Variants in TCERG1 observed in about 807,000 individuals in gnomAD.
The protein encoded by TCERG1 is TATA box binding protein (TBP)-associated factor, RNA polymerase II, S, 150kD.
TCERG1 carries 37 observed loss-of-function variants against 144.7 expected under a neutral mutation model. The observed-to-expected ratio is 0.26, with a 90% CI of 0.20 to 0.34. TCERG1 has a LOEUF of 0.34. Ranked by LOEUF, TCERG1 falls within the 10% of genes least tolerant of loss-of-function variation. The pLI, the probability that TCERG1 is intolerant of heterozygous loss-of-function variation, is 1.00. For missense variants in TCERG1, 1,027 were observed against 1,380.7 expected, an observed-to-expected ratio of 0.74 and a Z score of 4.06; for synonymous variants, 492 against 458.2, an observed-to-expected ratio of 1.07 and a Z score of -0.94.
At chr5:146,506,991 T>A in intron 19 of TCERG1, 37 bp from the exon 20 acceptor site, 2 of 1,495,372 alleles carry the variant, frequency 1.3e-6, no homozygotes, top group Non-Finnish European at 1.8e-6. Context: ...TTCAGATAAG[T>A]CTCTTTGGTG....
intron 10 of TCERG1, 22 bp from the exon 11 acceptor site, chr5:146,479,833 A>G (rs1199069352): frequency 1.2e-6 from 2 of 1,612,974 alleles, no homozygotes; most frequent in African/African-American, 2.7e-5. Flanking sequence ...CTTTGTAACA[A>G]TATTTGAAAT....
At position 146,507,779 on chromosome 5, in the gene TCERG1, G is replaced by A; in HGVS notation, c.2962-94G>A. On this transcript the variant is annotated intron_variant, in intron 20 of 22. Transcript: ENST00000679501. This position sits in a 1 kb window ranked among gnomAD's most constrained non-coding sequence, Gnocchi z 4.6. ...GCTTGGGCATTACAAGAGATCGCAG[G>A]TCAGTGTGTAATATTATGTACCTAT... The A allele has an allele frequency of 2.7e-6, 2 of 740,654 alleles. No individual in the cohort carries two copies. Among genetic ancestry groups the A allele is most frequent in the Non-Finnish European group, 4.3e-6 (2 of 462,244 alleles). 45.9% of individuals were successfully genotyped at this position (740,654 alleles called of 1,614,324 possible).
At chr5:146,498,427 C>T (rs1767133565) in intron 16 of TCERG1, 109 bp from the exon 17 acceptor site, 1 of 1,159,746 alleles carries the variant, frequency 8.6e-7, no homozygotes, top group African/African-American at 1.6e-5. Flanking sequence ...ATGTTGAGTC[C>T]CAGTGTCTCT....
intron 10 of TCERG1, among the ~76,000 whole-genome samples, chr5:146,479,099 C>G (rs1357849300): frequency 6.6e-6 from 1 of 152,034 alleles, no homozygotes; most frequent in Non-Finnish European, 1.5e-5. Context: ...GACTAGACAC[C>G]TAAACCTTAC....
intron 18 of TCERG1, 45 bp from the exon 19 acceptor site, chr5:146,503,779 T>C: frequency 6.5e-7 from 1 of 1,534,358 alleles, no homozygotes; most frequent in Non-Finnish European, 8.7e-7. Context: ...AAAACATATT[T>C]TGATGGAGTT....
chr5:146,496,991 C>T (rs1325315832), intron 16 of TCERG1, among the ~76,000 whole-genome samples: 1 of 150,400 alleles, frequency 6.6e-6, no homozygotes, highest in African/African-American at 2.5e-5. Flanking sequence ...CCTCAGCCTC[C>T]TGAGTAGCTG....
chr5:146,482,527 G>T, intron 13 of TCERG1, 65 bp from the exon 14 acceptor site: 1 of 1,467,608 alleles, frequency 6.8e-7, no homozygotes, highest in South Asian at 1.4e-5. Context: ...TTGATTTTAA[G>T]ATTTCTAATA....
At chr5:146,451,316 T>G (rs996514136) in intron 1 of TCERG1, among the ~76,000 whole-genome samples, 1 of 136,806 alleles carries the variant, frequency 7.3e-6, no homozygotes, top group African/African-American at 2.7e-5. Context: ...GCGATCCATA[T>G]TCCTTTTTTT....
Position 146,459,227 on chromosome 5 carries a change from C to T in TCERG1, c.782C>T (p.Pro261Leu). 1 of 1,614,278 alleles carries T rather than the reference C, an allele frequency of 6.2e-7. No individual in the cohort carries two copies. Among genetic ancestry groups the T allele is most frequent in the South Asian group, 1.1e-5 (1 of 91,092 alleles). ...GCACAAGCAGTTGGAGCTTCCACCC[C>T]TACGACCAGTAGCCCAGCACCTGCA... is the stretch of plus-strand genomic sequence containing the variant. ...VQAQAVGAST[P>L]TTSSPAPAVS... Residue 261 changes from proline (P) to leucine (L), a missense_variant, in exon 4 of 23, where the codon CCT (proline) becomes CTT (leucine). Coordinates refer to ENST00000679501, the MANE Select transcript of TCERG1 (RefSeq NM_001382548.1).
intron 17 of TCERG1, 57 bp from the exon 18 acceptor site, chr5:146,503,318 G>C: frequency 2.6e-6 from 4 of 1,514,612 alleles, no homozygotes; most frequent in Non-Finnish European, 3.6e-6. Context: ...AAGATATGAT[G>C]AATTTCTCAT....
At chr5:146,466,898 T>G (rs1763838358) in intron 5 of TCERG1, among the ~76,000 whole-genome samples, 1 of 152,234 alleles carries the variant, frequency 6.6e-6, no homozygotes, top group African/African-American at 2.4e-5. Flanking sequence ...AGTTCGTATA[T>G]TCATAAGAAT....
chr5:146,485,582 G>A (rs1765747563), intron 15 of TCERG1, among the ~76,000 whole-genome samples: 1 of 151,966 alleles, frequency 6.6e-6, no homozygotes, highest in South Asian at 2.1e-4. Flanking sequence ...AGCTGATGGT[G>A]GTATCTCCTT....
intron 2 of TCERG1, among the ~76,000 whole-genome samples, chr5:146,456,177 T>A (rs1316665920): frequency 2.6e-5 from 4 of 152,232 alleles, no homozygotes; most frequent in Non-Finnish European, 4.4e-5. Context: ...TGCTTAATAA[T>A]TTTATGGCCT....
chr5:146,451,170 C>G (rs1315332000), intron 1 of TCERG1, among the ~76,000 whole-genome samples: 2 of 152,150 alleles, frequency 1.3e-5, no homozygotes, highest in African/African-American at 4.8e-5. Flanking sequence ...ATTATTAACT[C>G]AAGCCTGAAA....
chr5:146,450,694 A>G (rs1485893870), intron 1 of TCERG1, among the ~76,000 whole-genome samples: 1 of 152,226 alleles, frequency 6.6e-6, no homozygotes, highest in East Asian at 1.9e-4. Context: ...CGTAATTAAC[A>G]TCAGAAAATG....
At chr5:146,504,115 G>T in intron 19 of TCERG1, 109 bp downstream of exon 19, 1 of 1,142,128 alleles carries the variant, frequency 8.8e-7, no homozygotes, top group South Asian at 3.6e-5. Context: ...GAGATAATTT[G>T]CTAAATTAGA....
intron 9 of TCERG1, 31 bp downstream of exon 9, chr5:146,471,607 T>C: frequency 6.3e-7 from 1 of 1,593,270 alleles, no homozygotes; most frequent in Non-Finnish European, 8.6e-7. Context: ...GTAATTTTTT[T>C]TTTTTTTTTG....
chr5:146,482,118 T>G (rs1765413735), intron 13 of TCERG1: 2 of 152,364 alleles, frequency 1.3e-5, no homozygotes, highest in East Asian at 3.8e-4. Context: ...ACTAAAACAT[T>G]ATACCACTTA....
chr5:146,491,523 C>A (rs1305724163), intron 15 of TCERG1, among the ~76,000 whole-genome samples: 1 of 152,064 alleles, frequency 6.6e-6, no homozygotes, highest in African/African-American at 2.4e-5. Context: ...TTGTTGAGAA[C>A]CCCTGGAGCC....
Sources: allele counts gnomAD v4.1 joint callset (sites outside exome capture counted in the v4.1 genomes callset), GRCh38; gene constraint gnomAD v4.1.1; non-coding constraint Gnocchi (gnomAD v3.1); transcripts MANE v1.5; gene names NCBI Gene and HGNC (gene_info 2026-07-23, HGNC 2026-07-21).